POLR2F: variants seen among roughly 807,000 people sequenced by gnomAD.
The protein encoded by POLR2F is DNA-directed RNA polymerases I, II, and III subunit RPABC2.
POLR2F carries 12 observed loss-of-function variants against 22.7 expected under a neutral mutation model. The observed-to-expected ratio is 0.53, with a 90% confidence interval of 0.34 to 0.86. The LOEUF is 0.86. Ranked by LOEUF, POLR2F falls within the 40% of genes least tolerant of loss-of-function variation. POLR2F has a pLI of 0.02. For missense variants in POLR2F, 126 were observed against 171.5 expected (o/e 0.73, Z 1.48); for synonymous variants, 57 against 66.0 (o/e 0.86, Z 0.66).
intron 5 of POLR2F, among the ~76,000 whole-genome samples, chr22:38,037,439 A>ATTT (rs10624395): frequency 0.023 from 2,865 of 124,144 alleles, 235 homozygotes; most frequent in African/African-American, 0.074. Context: ...ATGCTCGGCT[A>ATTT]TTTTTTTTTT....
At chr22:37,988,634 G>C (rs773534667) in intron 1 of POLR2F, among the ~76,000 whole-genome samples, 7 of 152,172 alleles carry the variant, frequency 4.6e-5, no homozygotes, top group Non-Finnish European at 1.0e-4. Flanking sequence ...CTGGGTGACA[G>C]AGTAAGACTC....
At chr22:38,038,104 T>G (rs1476034617) in intron 5 of POLR2F, among the ~76,000 whole-genome samples, 5 of 126,746 alleles carry the variant, frequency 3.9e-5, no homozygotes, top group South Asian at 2.5e-4. Context: ...TGTTGGGGGG[T>G]AGAAGGTGGG....
At chr22:37,976,935 G>A (rs959737911) in intron 4 of POLR2F, among the ~76,000 whole-genome samples, 2 of 151,890 alleles carry the variant, frequency 1.3e-5, no homozygotes, top group African/African-American at 2.4e-5. Context: ...GGGAGGCCGA[G>A]GCGGGCAGAT....
intron 3 of POLR2F, among the ~76,000 whole-genome samples, chr22:37,965,376 G>T (rs746003306): frequency 4.6e-5 from 7 of 152,060 alleles, no homozygotes; most frequent in Non-Finnish European, 1.0e-4. Flanking sequence ...CCTGGTGGCT[G>T]ATGATGTTTG....
downstream of POLR2F, chr22:37,974,312 C>T (rs575870601): frequency 5.2e-6 from 4 of 770,688 alleles, no homozygotes; most frequent in South Asian, 5.1e-5. This position sits in a 1 kb window ranked among gnomAD's most constrained non-coding sequence, Gnocchi z 5.4. Flanking sequence ...TCTGGGAAAA[C>T]CTTGTAAGTT....
At chr22:38,015,884 A>G (rs1877308605) in intron 1 of POLR2F, among the ~76,000 whole-genome samples, 1 of 152,168 alleles carries the variant, frequency 6.6e-6, no homozygotes, top group South Asian at 2.1e-4. Context: ...GCAGTGGGAA[A>G]GGACCCCAGG....
intron 5 of POLR2F, among the ~76,000 whole-genome samples, chr22:38,039,852 C>G (rs1601923174): frequency 6.6e-6 from 1 of 152,236 alleles, no homozygotes; most frequent in African/African-American, 2.4e-5. Context: ...GTGAAGAGCC[C>G]CTGTGCTGCA....
rs1472317184 is a variant in POLR2F at position 38,036,267 on chromosome 22, G to A, written c.453-4801G>A. ...GCTGGGATTACAGGTGTGAGCCACCGCACCCAGCCGAGCCCCTGCTTTTCT... is the reference window on the plus strand; with the variant it reads ...GCTGGGATTACAGGTGTGAGCCACCACACCCAGCCGAGCCCCTGCTTTTCT... On this transcript the variant is annotated intron_variant, in intron 5 of 5. Coordinates refer to the POLR2F transcript ENST00000407936. Among the ~76,000 whole-genome samples, 5 of 151,908 alleles carry A rather than the reference G, an allele frequency of 3.3e-5. No homozygotes were observed. The South Asian group carries it at 8.3e-4, about 25-fold the overall frequency.
chr22:38,022,302 A>C (rs865963502), intron 1 of POLR2F, among the ~76,000 whole-genome samples: 84 of 151,986 alleles, frequency 5.5e-4, no homozygotes, highest in Non-Finnish European at 2.2e-4. Context: ...CTGTAATCCC[A>C]GAACTTTGGG....
chr22:38,023,320 C>A (rs139976897), intron 1 of POLR2F, among the ~76,000 whole-genome samples: 1 of 152,120 alleles, frequency 6.6e-6, no homozygotes, highest in African/African-American at 2.4e-5. Context: ...GCTTGAAGGA[C>A]GTCAGTGATG....
intron 5 of POLR2F, among the ~76,000 whole-genome samples, chr22:38,036,166 G>A (rs184086455): frequency 6.6e-5 from 10 of 151,920 alleles, no homozygotes; most frequent in Admixed American, 5.9e-4. Flanking sequence ...TAGTAGAGAC[G>A]GGGTTTTGCC....
chr22:38,018,640 C>G (rs2084934499), intron 1 of POLR2F, among the ~76,000 whole-genome samples: 1 of 152,100 alleles, frequency 6.6e-6, no homozygotes, highest in Non-Finnish European at 1.5e-5. Context: ...GTGGCCCAGG[C>G]TGGGCTGACT....
chr22:38,028,555 T>C (rs1164179427), downstream of POLR2F, among the ~76,000 whole-genome samples: 3 of 151,930 alleles, frequency 2.0e-5, no homozygotes, highest in African/African-American at 4.8e-5. Context: ...TGTGCATGTA[T>C]GTGTGTGCAT....
At chr22:38,034,430 C>T (rs1332252225) in intron 5 of POLR2F, among the ~76,000 whole-genome samples, 2 of 152,232 alleles carry the variant, frequency 1.3e-5, no homozygotes, top group African/African-American at 4.8e-5. Flanking sequence ...CTTCTCTGGG[C>T]TCCAGCTTCC....
At chr22:37,983,792 CCGG>C, upstream of POLR2F, 1 of 1,429,152 alleles carries the variant, frequency 7.0e-7, no homozygotes, top group South Asian at 1.3e-5. The surrounding 1 kb of genome is among the most constrained non-coding windows in gnomAD (Gnocchi z 9.5). Context: ...CATGTCGCCC[CCGG>C]CCGCCGCCGC....
intron 1 of POLR2F, among the ~76,000 whole-genome samples, chr22:37,993,351 G>T (rs1232550888): frequency 6.6e-6 from 1 of 152,158 alleles, no homozygotes; most frequent in African/African-American, 2.4e-5. Context: ...CATTGCCCCA[G>T]ACCAGGGCTG....
downstream of POLR2F, chr22:37,973,719 G>A (rs1468610407): frequency 6.2e-7 from 1 of 1,606,022 alleles, no homozygotes; most frequent in South Asian, 1.1e-5. Flanking sequence ...GAGATGGAGG[G>A]GAAGGCTGAG....
intron 1 of POLR2F, among the ~76,000 whole-genome samples, chr22:37,994,850 C>T (rs2145792403): frequency 1.3e-5 from 2 of 152,150 alleles, no homozygotes; most frequent in Middle Eastern, 6.8e-3. Context: ...CAATGTTACC[C>T]AAGCTGGTCT....
upstream of POLR2F, chr22:37,983,835 C>A: frequency 7.5e-7 from 1 of 1,335,418 alleles, no homozygotes; most frequent in South Asian, 1.5e-5. This position sits in a 1 kb window ranked among gnomAD's most constrained non-coding sequence, Gnocchi z 9.5. Flanking sequence ...CCCGGGCCAG[C>A]CGCCGGGGTC....
Sources: allele counts gnomAD v4.1 joint callset (sites outside exome capture counted in the v4.1 genomes callset), GRCh38; gene constraint gnomAD v4.1.1; non-coding constraint Gnocchi (gnomAD v3.1); transcripts MANE v1.5; gene names NCBI Gene and HGNC (gene_info 2026-07-23, HGNC 2026-07-21).